CSMD1: variants seen among roughly 807,000 people sequenced by gnomAD.
CSMD1 encodes the protein CUB and Sushi multiple domains 1.
A neutral mutation model predicts 417.5 loss-of-function variants in CSMD1; 213 were observed. That is an observed-to-expected ratio of 0.51 (90% confidence interval 0.46 to 0.57). The LOEUF is 0.57. Ranked by LOEUF, CSMD1 falls within the 20% of genes least tolerant of loss-of-function variation. CSMD1 has a pLI of 0.00. For missense variants in CSMD1, 6,923 were observed against 4,529.7 expected, an observed-to-expected ratio of 1.53 and a Z score of -15.17; for synonymous variants, 2,862 against 1,736.8, an observed-to-expected ratio of 1.65 and a Z score of -16.11.
chr8:4,143,731 A>C (rs1424711759), intron 3 of CSMD1, among the ~76,000 whole-genome samples: 1 of 151,122 alleles, frequency 6.6e-6, no homozygotes, highest in Non-Finnish European at 1.5e-5. Context: ...CATAGGAAGG[A>C]AGCTGTGAAA....
At chr8:4,309,297 C>A (rs2128877845) in intron 3 of CSMD1, among the ~76,000 whole-genome samples, 1 of 152,124 alleles carries the variant, frequency 6.6e-6, no homozygotes, top group African/African-American at 2.4e-5. Flanking sequence ...AATATAATTG[C>A]ACTGTCTATT....
At chr8:4,315,801 A>C (rs1798889570) in intron 3 of CSMD1, among the ~76,000 whole-genome samples, 1 of 72,088 alleles carries the variant, frequency 1.4e-5, no homozygotes, top group Admixed American at 2.1e-4. Flanking sequence ...AAGTAATTCA[A>C]ACTTTTTTTC....
chr8:4,380,274 G>T (rs1027279902), intron 3 of CSMD1, among the ~76,000 whole-genome samples: 3 of 152,128 alleles, frequency 2.0e-5, no homozygotes, highest in African/African-American at 4.8e-5. Flanking sequence ...CCTCTGCCAG[G>T]TGACTAAGGT....
intron 5 of CSMD1, among the ~76,000 whole-genome samples, chr8:3,990,125 A>T (rs112647890): frequency 6.6e-6 from 1 of 152,218 alleles, no homozygotes; most frequent in African/African-American, 2.4e-5. Flanking sequence ...AAATTTATTT[A>T]ACAGCGTTAA....
At chr8:4,168,398 C>G (rs963571912) in intron 3 of CSMD1, among the ~76,000 whole-genome samples, 9 of 151,666 alleles carry the variant, frequency 5.9e-5, no homozygotes, top group East Asian at 1.9e-4. Flanking sequence ...CTTACTCTCT[C>G]TCTCAATATA....
intron 6 of CSMD1, among the ~76,000 whole-genome samples, chr8:3,731,311 C>T (rs1169613852): frequency 6.6e-6 from 1 of 152,180 alleles, no homozygotes; most frequent in Non-Finnish European, 1.5e-5. Flanking sequence ...CAGAGTCTCT[C>T]TGAATGCCTC....
chr8:4,935,637 C>T (rs1377486703), intron 1 of CSMD1, among the ~76,000 whole-genome samples: 2 of 152,180 alleles, frequency 1.3e-5, no homozygotes, highest in Admixed American at 6.5e-5. Flanking sequence ...TGGATTCACT[C>T]TCTCTCGATG....
chr8:3,205,430 G>C, intron 31 of CSMD1, 74 bp downstream of exon 31: 1 of 776,546 alleles, frequency 1.3e-6, no homozygotes, highest in Non-Finnish European at 2.1e-6. Context: ...TAGCATACTT[G>C]TTTATCAAAT....
chr8:3,279,507 C>G (rs921649069), intron 26 of CSMD1, among the ~76,000 whole-genome samples: 1 of 152,066 alleles, frequency 6.6e-6, no homozygotes, highest in African/African-American at 2.4e-5. Flanking sequence ...TTTTAAAATG[C>G]CACATGGTAC....
chr8:3,554,985 G>A lies in CSMD1; in HGVS notation c.1344+19960C>T, dbSNP rs565186608. Among the ~76,000 whole-genome samples the A allele has an allele frequency of 7.2e-5, 11 of 152,178 alleles. No individual in the cohort carries two copies. In the East Asian group the frequency reaches 1.6e-3, roughly 22 times the overall value. On this transcript the variant is annotated intron_variant, in intron 10 of 69. Coordinates refer to ENST00000635120, the MANE Select transcript of CSMD1 (RefSeq NM_033225.6). ...CCAGACACCTGGGCTCTTGTCAGAA[G>A]CAGGAAACACCACATAAGCTGAGGA...
At chr8:4,470,958 G>A (rs959596924) in intron 2 of CSMD1, among the ~76,000 whole-genome samples, 1 of 152,130 alleles carries the variant, frequency 6.6e-6, no homozygotes, top group African/African-American at 2.4e-5. Context: ...CAAGTGACAT[G>A]TCAATTCAGT....
intron 4 of CSMD1, among the ~76,000 whole-genome samples, chr8:4,010,900 G>T (rs943384013): frequency 2.0e-5 from 3 of 152,068 alleles, no homozygotes; most frequent in African/African-American, 7.3e-5. Context: ...ATACTGAAAG[G>T]TCTAACTTTA....
intron 6 of CSMD1, among the ~76,000 whole-genome samples, chr8:3,730,261 G>C (rs934565151): frequency 6.6e-6 from 1 of 152,000 alleles, no homozygotes; most frequent in Non-Finnish European, 1.5e-5. Flanking sequence ...AATACCTTGA[G>C]CACATGGAGC....
chr8:3,919,331 G>A (rs956320793), intron 5 of CSMD1, among the ~76,000 whole-genome samples: 2 of 151,942 alleles, frequency 1.3e-5, no homozygotes, highest in Non-Finnish European at 1.5e-5. Flanking sequence ...CTAACACGTG[G>A]GCCAGTTTCA....
At chr8:3,147,610 G>T (rs1349806916) in intron 40 of CSMD1, among the ~76,000 whole-genome samples, 2 of 152,192 alleles carry the variant, frequency 1.3e-5, no homozygotes, top group African/African-American at 4.8e-5. Flanking sequence ...CCTGCACACA[G>T]TAAAATTTGA....
intron 5 of CSMD1, among the ~76,000 whole-genome samples, chr8:3,831,305 A>T (rs1208749432): frequency 6.6e-6 from 1 of 152,174 alleles, no homozygotes; most frequent in Non-Finnish European, 1.5e-5. Context: ...GAGCTGTGGC[A>T]TGTTGCATTT....
intron 5 of CSMD1, among the ~76,000 whole-genome samples, chr8:3,960,687 G>C (rs73492649): frequency 0.24 from 37,024 of 151,600 alleles, 5,021 homozygotes; most frequent in East Asian, 0.53. Flanking sequence ...TTTTTATAAA[G>C]ATAAATTTAA....
intron 5 of CSMD1, among the ~76,000 whole-genome samples, chr8:3,894,608 G>T (rs1007053256): frequency 1.3e-5 from 2 of 152,100 alleles, no homozygotes; most frequent in Non-Finnish European, 2.9e-5. Context: ...GCTATTTACA[G>T]AAAATAAATG....
chr8:4,254,048 C>G (rs924034828), intron 3 of CSMD1, among the ~76,000 whole-genome samples: 3 of 150,920 alleles, frequency 2.0e-5, no homozygotes, highest in African/African-American at 7.3e-5. Flanking sequence ...TCCCAAGTAG[C>G]TGGGACTACT....
Sources: allele counts gnomAD v4.1 joint callset (sites outside exome capture counted in the v4.1 genomes callset), GRCh38; gene constraint gnomAD v4.1.1; transcripts MANE v1.5; gene names NCBI Gene and HGNC (gene_info 2026-07-23, HGNC 2026-07-21).